ARHGEF28: variants seen among roughly 807,000 people sequenced by gnomAD.
ARHGEF28 encodes the protein 190 kDa guanine nucleotide exchange factor.
In ARHGEF28, 152 loss-of-function variants were observed where a neutral mutation model predicts 206.6. The ratio of observed to expected loss-of-function variants is 0.74; its 90% CI spans 0.64 to 0.84. The LOEUF (loss-of-function observed/expected upper bound fraction) is 0.84. Among genes scored for constraint, ARHGEF28 ranks in the 40% least tolerant of loss-of-function variants. The pLI, the probability that ARHGEF28 is intolerant of heterozygous loss-of-function variation, is 0.00. For synonymous variants in ARHGEF28, 763 were observed against 776.4 expected, an observed-to-expected ratio of 0.98 and a Z score of 0.29; for missense variants, 2,028 against 2,073.2, an observed-to-expected ratio of 0.98 and a Z score of 0.42.
chr5:73,730,326 C>T (rs1195341557), intron 2 of ARHGEF28, among the ~76,000 whole-genome samples: 2 of 152,042 alleles, frequency 1.3e-5, no homozygotes, highest in Admixed American at 6.6e-5. Context: ...AAGAGGTGCT[C>T]GCAAGGCTAG....
chr5:73,774,667 C>G (rs1222492865), intron 5 of ARHGEF28, among the ~76,000 whole-genome samples: 1 of 152,086 alleles, frequency 6.6e-6, no homozygotes, highest in Non-Finnish European at 1.5e-5. Context: ...ATGAGGGTAT[C>G]AACACTTCCA....
intron 4 of ARHGEF28, among the ~76,000 whole-genome samples, chr5:73,769,977 T>A (rs1753131587): frequency 2.0e-5 from 3 of 152,236 alleles, no homozygotes; most frequent in Admixed American, 2.0e-4. Flanking sequence ...TCGATTAGCC[T>A]ACATTTGAGA....
At chr5:73,897,875 C>A in intron 29 of ARHGEF28, 87 bp from the exon 30 acceptor site, 1 of 1,411,574 alleles carries the variant, frequency 7.1e-7, no homozygotes, top group South Asian at 1.3e-5. Flanking sequence ...CAGGGACAGG[C>A]CAAATGCGAT....
At chr5:73,702,026 G>T (rs970155922) in intron 2 of ARHGEF28, among the ~76,000 whole-genome samples, 1 of 152,198 alleles carries the variant, frequency 6.6e-6, no homozygotes, top group Non-Finnish European at 1.5e-5. Flanking sequence ...ACGTCCAGGA[G>T]TATGATTGCT....
At chr5:73,798,000 C>T (rs997905552) in intron 9 of ARHGEF28, among the ~76,000 whole-genome samples, 4 of 152,208 alleles carry the variant, frequency 2.6e-5, no homozygotes, top group Non-Finnish European at 4.4e-5. Flanking sequence ...TTGTATTGGA[C>T]AGGGCAGAAC....
rs1758547032 is a variant in ARHGEF28 at position 73,849,038 on chromosome 5, A to G, written c.1698A>G (p.Leu566=). 2 of 1,579,458 alleles carry G rather than the reference A, an allele frequency of 1.3e-6. No homozygotes were observed. Among genetic ancestry groups the G allele is most frequent in the Non-Finnish European group, 1.7e-6 (2 of 1,160,632 alleles). ...CTTGCTCATCACCCAAAATTTCTTT[A>G]GGAAAAACTCGTTTGGTGCGTGAAT... The part of the protein sequence containing the change: ...SYSCSSPKIS[L]GKTRLVRELT... Residue 566 remains leucine, a synonymous_variant, in exon 13 of 36, where the codon TTA becomes TTG. Transcript: ENST00000513042.
At position 73,783,883 on chromosome 5, in the gene ARHGEF28, T is replaced by C. The variant is rs573252250; in HGVS notation, c.910+3138T>C. 3.3e-5 allele frequency among the ~76,000 whole-genome samples: 5 copies of C among 152,270 alleles called. No individual in the cohort carries two copies. In the South Asian group the frequency reaches 1.0e-3, roughly 32 times the overall value. The stretch of plus-strand genomic sequence containing the variant: ...TGAAATTAACCAATAAGCACAAGAA[T>C]TTGGACAGAAATCCAAGCCCTCTGA... On this transcript the variant is annotated intron_variant, in intron 7 of 35. Coordinates refer to ENST00000513042, the MANE Select transcript of ARHGEF28 (RefSeq NM_001177693.2).
At chr5:73,814,478 G>T (rs976887760) in intron 9 of ARHGEF28, among the ~76,000 whole-genome samples, 1 of 151,676 alleles carries the variant, frequency 6.6e-6, no homozygotes, top group African/African-American at 2.4e-5. Flanking sequence ...TCCTCGGCTG[G>T]GCTTAGCTGG....
At chr5:73,674,079 G>A (rs1312380305) in intron 1 of ARHGEF28, among the ~76,000 whole-genome samples, 2 of 152,080 alleles carry the variant, frequency 1.3e-5, no homozygotes, top group Non-Finnish European at 2.9e-5. Context: ...GCTGAGGTGG[G>A]AGGATCACTT....
In ARHGEF28 at chr5:73,941,090, T is replaced by C. The variant is rs188147174; in HGVS notation, c.*77T>C. 1.5e-6 allele frequency: 2 copies of C among 1,306,444 alleles called. No individual in the cohort carries two copies. Among genetic ancestry groups the C allele is most frequent in the Non-Finnish European group, 9.9e-7 (1 of 1,008,852 alleles). 80.9% of individuals were successfully genotyped at this position (1,306,444 alleles called of 1,614,324 possible). On this transcript the variant is annotated 3_prime_UTR_variant, in exon 36 of 36. Coordinates refer to ENST00000513042, the MANE Select transcript of ARHGEF28 (RefSeq NM_001177693.2). The stretch of plus-strand genomic sequence containing the variant: ...ACTTTTTGTCTCCATTCCTTATGTA[T>C]GTGTGATTGTCTGTGTCCAAATTGC...
intron 10 of ARHGEF28, among the ~76,000 whole-genome samples, chr5:73,837,903 G>A (rs916571942): frequency 3.3e-5 from 5 of 151,892 alleles, no homozygotes; most frequent in African/African-American, 9.7e-5. Flanking sequence ...CATGACACCC[G>A]GCTAATTTTG....
chr5:73,893,402 G>A (rs1171779398), intron 28 of ARHGEF28, 114 bp downstream of exon 28: 1 of 722,940 alleles, frequency 1.4e-6, no homozygotes, highest in Admixed American at 4.1e-5. Context: ...TGCACCTGAG[G>A]CCCACCTGGA....
intron 35 of ARHGEF28, among the ~76,000 whole-genome samples, chr5:73,921,249 T>C (rs1763507165): frequency 6.6e-6 from 1 of 152,192 alleles, no homozygotes; most frequent in Admixed American, 6.5e-5. Flanking sequence ...TCTTAAGAAA[T>C]AGATCCCTTT....
At chr5:73,658,139 TA>T (rs35220235) in intron 1 of ARHGEF28, among the ~76,000 whole-genome samples, 158 of 146,530 alleles carry the variant, frequency 1.1e-3, no homozygotes, top group Middle Eastern at 3.5e-3. Flanking sequence ...GTCCTTTTTT[TA>T]AAAAAAAAAA....
intron 2 of ARHGEF28, among the ~76,000 whole-genome samples, chr5:73,707,323 T>G (rs901621022): frequency 6.6e-6 from 1 of 152,156 alleles, no homozygotes; most frequent in African/African-American, 2.4e-5. Flanking sequence ...AGTGATGGTG[T>G]CCGTATGTAA....
chr5:73,725,401 G>A (rs1750209465), intron 2 of ARHGEF28, among the ~76,000 whole-genome samples: 1 of 152,110 alleles, frequency 6.6e-6, no homozygotes, highest in South Asian at 2.1e-4. Context: ...CGCCCTTTAG[G>A]TTTGAGGCTT....
At chr5:73,672,065 C>CT (rs1270474436) in intron 1 of ARHGEF28, among the ~76,000 whole-genome samples, 1 of 151,920 alleles carries the variant, frequency 6.6e-6, no homozygotes, top group Non-Finnish European at 1.5e-5. Flanking sequence ...AAAAGTAAAG[C>CT]ACATGTAGGA....
chr5:73,750,333 C>A (rs977559755), intron 3 of ARHGEF28, among the ~76,000 whole-genome samples: 1 of 152,046 alleles, frequency 6.6e-6, no homozygotes, highest in Non-Finnish European at 1.5e-5. Flanking sequence ...AGACTCATTG[C>A]CAGGGTTGGC....
At chr5:73,814,111 A>C (rs1175220030) in intron 9 of ARHGEF28, among the ~76,000 whole-genome samples, 2 of 152,212 alleles carry the variant, frequency 1.3e-5, no homozygotes, top group Admixed American at 1.3e-4. Flanking sequence ...AGTGTATAGT[A>C]ATTTAAAAAA....
Sources: allele counts gnomAD v4.1 joint callset (sites outside exome capture counted in the v4.1 genomes callset), GRCh38; gene constraint gnomAD v4.1.1; transcripts MANE v1.5; gene names NCBI Gene and HGNC (gene_info 2026-07-23, HGNC 2026-07-21).